ERC2: variants seen among roughly 807,000 people sequenced by gnomAD.
ERC2 encodes ERC protein 2.
ERC2 carries 42 observed loss-of-function variants against 114.8 expected under a neutral mutation model. That is an observed-to-expected ratio of 0.37 (90% CI 0.29 to 0.47). The LOEUF (loss-of-function observed/expected upper bound fraction) is 0.47, where lower values mean the gene tolerates loss of function less well. Among genes scored for constraint, ERC2 ranks in the 20% least tolerant of loss-of-function variants. ERC2 has a pLI of 0.99. For synonymous variants in ERC2, 454 were observed against 425.5 expected, an observed-to-expected ratio of 1.07 and a Z score of -0.82; for missense variants, 939 against 1,150.7, an observed-to-expected ratio of 0.82 and a Z score of 2.66.
intron 2 of ERC2, among the ~76,000 whole-genome samples, chr3:56,327,348 C>T (rs1214563169): frequency 6.6e-6 from 1 of 152,198 alleles, no homozygotes; most frequent in Non-Finnish European, 1.5e-5. Context: ...CTCGTGAGAA[C>T]TCACTCAGCA....
Position 55,808,742 on chromosome 3 carries a change from T to TAA in ERC2, c.2565-73826_2565-73825dup, listed in dbSNP as rs57569931. 4.4e-3 allele frequency among the ~76,000 whole-genome samples: 445 copies of TAA among 100,348 alleles called. 8 individuals are homozygous for TAA. The highest frequency in any genetic ancestry group is 0.017 in the Middle Eastern group (3 of 176). 65.8% of individuals were successfully genotyped at this position (100,348 alleles called of 152,430 possible). A position where few individuals can be genotyped will look rare whatever the true frequency, so the allele number is the denominator to read the frequency against. ...ATATATATATATATATATATATATA[T>TAA]AACGTATAACTAAACATATATATAT... On this transcript the variant is annotated intron_variant, in intron 14 of 17. Transcript: ENST00000288221.
In ERC2 at chr3:55,540,953, A is replaced by T. The variant is rs1396900380; in HGVS notation, c.*40-29677T>A. On this transcript the variant is annotated intron_variant, in intron 17 of 17. Coordinates refer to ENST00000288221, the MANE Select transcript of ERC2 (RefSeq NM_015576.3). ...CTTCTCTTATTATAGTCTGGCTCCCACTCCCTATGAAGAAAGTGAGAGGTG... is the reference window on the plus strand; with the variant it reads ...CTTCTCTTATTATAGTCTGGCTCCCTCTCCCTATGAAGAAAGTGAGAGGTG... Among the ~76,000 whole-genome samples, 4 of 151,786 alleles carry T rather than the reference A, an allele frequency of 2.6e-5. No individual in the cohort carries two copies. In the East Asian group the frequency reaches 7.8e-4, roughly 29 times the overall value.
At chr3:55,900,955 A>G (rs141816831) in intron 13 of ERC2, among the ~76,000 whole-genome samples, 3 of 152,344 alleles carry the variant, frequency 2.0e-5, no homozygotes, top group African/African-American at 7.2e-5. Context: ...CAAGTGGTTT[A>G]CTTTTTACCA....
chr3:56,230,270 G>A (rs1055546619), intron 3 of ERC2, among the ~76,000 whole-genome samples: 2 of 152,068 alleles, frequency 1.3e-5, no homozygotes, highest in Admixed American at 6.5e-5. Context: ...ATACTTCATC[G>A]TTCTTAAATA....
intron 15 of ERC2, among the ~76,000 whole-genome samples, chr3:55,731,182 C>T (rs1353518336): frequency 6.9e-6 from 1 of 145,304 alleles, no homozygotes; most frequent in Admixed American, 7.2e-5. Flanking sequence ...TCCACAAGTG[C>T]TTTGGCTTTA....
At chr3:55,956,872 C>T (rs898188589) in intron 12 of ERC2, among the ~76,000 whole-genome samples, 1 of 152,108 alleles carries the variant, frequency 6.6e-6, no homozygotes, top group Non-Finnish European at 1.5e-5. Flanking sequence ...TCCTCCTCTC[C>T]CTACCGATGG....
intron 15 of ERC2, among the ~76,000 whole-genome samples, chr3:55,700,116 CA>C (rs1246728186): frequency 6.6e-6 from 1 of 152,206 alleles, no homozygotes; most frequent in Non-Finnish European, 1.5e-5. Flanking sequence ...GGTACAAAGT[CA>C]ATGGGAAAAG....
At chr3:56,215,907 GA>G (rs1319735731) in intron 3 of ERC2, among the ~76,000 whole-genome samples, 7 of 152,072 alleles carry the variant, frequency 4.6e-5, no homozygotes, top group African/African-American at 1.7e-4. Flanking sequence ...GGTACATAAC[GA>G]AATGAAGGCA....
chr3:56,049,816 ATATGTGTGTGTGTG>A (rs2075671577), intron 7 of ERC2, among the ~76,000 whole-genome samples: 1 of 115,546 alleles, frequency 8.7e-6, no homozygotes, highest in African/African-American at 3.0e-5. Context: ...CTCCCATCAT[ATATGTGTGTGTGTG>A]TGTGTGTGTG....
At chr3:56,374,069 G>A (rs1027109026) in intron 2 of ERC2, among the ~76,000 whole-genome samples, 1 of 151,992 alleles carries the variant, frequency 6.6e-6, no homozygotes, top group South Asian at 2.1e-4. Flanking sequence ...CCACCCCTAT[G>A]CACAGAGGCC....
chr3:55,557,032 G>A (rs894208866), intron 17 of ERC2, among the ~76,000 whole-genome samples: 1 of 152,176 alleles, frequency 6.6e-6, no homozygotes, highest in East Asian at 1.9e-4. Context: ...TAGGAGAGAT[G>A]AGACATGAGT....
At chr3:55,810,621 C>T (rs1222040506) in intron 14 of ERC2, among the ~76,000 whole-genome samples, 3 of 152,146 alleles carry the variant, frequency 2.0e-5, no homozygotes, top group Non-Finnish European at 4.4e-5. Context: ...TTCCACCACA[C>T]TGAAAGTTTT....
chr3:56,079,334 G>A (rs749993246), intron 7 of ERC2, among the ~76,000 whole-genome samples: 6 of 151,954 alleles, frequency 3.9e-5, no homozygotes, highest in African/African-American at 9.7e-5. Context: ...GGCCTTAATC[G>A]CTACAAGTGG....
At chr3:56,299,151 A>T in intron 2 of ERC2, among the ~76,000 whole-genome samples, 1 of 140,024 alleles carries the variant, frequency 7.1e-6, no homozygotes, top group Non-Finnish European at 1.5e-5. Flanking sequence ...TTTTTGAGAC[A>T]GAGTCTCGTC....
intron 14 of ERC2, among the ~76,000 whole-genome samples, chr3:55,865,448 C>T (rs909272682): frequency 3.3e-5 from 5 of 152,134 alleles, no homozygotes; most frequent in South Asian, 2.1e-4. Flanking sequence ...CAGAGACCCC[C>T]TTTAATAAAT....
chr3:56,296,463 G>A, intron 2 of ERC2, 28 bp from the exon 3 acceptor site: 3 of 1,566,874 alleles, frequency 1.9e-6, no homozygotes, highest in Non-Finnish European at 2.6e-6. Context: ...GAGCGGGAGA[G>A]GAGAAAGAAG....
intron 17 of ERC2, among the ~76,000 whole-genome samples, chr3:55,569,869 T>C (rs1326015785): frequency 2.7e-5 from 4 of 150,942 alleles, no homozygotes; most frequent in Non-Finnish European, 5.9e-5. Flanking sequence ...CTATTTTTTT[T>C]TTTTTTTTTT....
Position 55,950,559 on chromosome 3 carries a change from G to T in ERC2, c.2269C>A (p.His757Asn). The T allele has an allele frequency of 6.2e-7, 1 of 1,613,906 alleles. No homozygotes were observed. Among genetic ancestry groups the T allele is most frequent in the Middle Eastern group, 1.6e-4 (1 of 6,062 alleles). Residue 757 changes from histidine to asparagine, a missense_variant and splice_region_variant, in exon 13 of 18, where the codon CAT becomes AAT. By Grantham distance (68) the His-to-Asn change is moderately conservative. Coordinates refer to ENST00000288221, the MANE Select transcript of ERC2 (RefSeq NM_015576.3). ...ACCTTCTTATTCTGATCTTTCATAT[G>T]CCTGAGAAAAGTCAGCACAGCTTGG... ...IAELESLTLR[H>N]MKDQNKKVAN...
chr3:55,768,669 A>T (rs2067986063), intron 14 of ERC2, among the ~76,000 whole-genome samples: 1 of 152,072 alleles, frequency 6.6e-6, no homozygotes, highest in African/African-American at 2.4e-5. Context: ...TGCAGACCAG[A>T]TGGGAGAACG....
Sources: gnomAD v4.1 joint callset for allele counts (sites outside exome capture counted in the v4.1 genomes callset) on GRCh38, gnomAD v4.1.1 for gene constraint, MANE v1.5 for transcripts, NCBI Gene and HGNC (gene_info 2026-07-23, HGNC 2026-07-21) for gene names.